The following TMEM200A variants were observed in gnomAD, a reference collection of about 807,000 sequenced individuals.
TMEM200A encodes two transmembrane C.
A neutral mutation model predicts 24.3 loss-of-function variants in TMEM200A; 12 were observed. The observed-to-expected ratio is 0.49, with a 90% CI of 0.32 to 0.80. The LOEUF (loss-of-function observed/expected upper bound fraction) is 0.80, where lower values mean the gene tolerates loss of function less well. Among genes scored for constraint, TMEM200A ranks in the 30% least tolerant of loss-of-function variants. TMEM200A has a pLI of 0.04. For missense variants in TMEM200A, 545 were observed against 614.4 expected, an observed-to-expected ratio of 0.89 and a Z score of 1.19; for synonymous variants, 224 against 224.4, an observed-to-expected ratio of 1.00 and a Z score of 0.02.
At chr6:130,377,900 A>T (rs982618528) in intron 1 of TMEM200A, among the ~76,000 whole-genome samples, 4 of 152,200 alleles carry the variant, frequency 2.6e-5, no homozygotes, top group African/African-American at 9.6e-5. Flanking sequence ...GTAGAGTAGC[A>T]TGGCCAAGGA....
Position 130,441,363 on chromosome 6 carries a change from A to G in TMEM200A, c.941A>G (p.Asn314Ser). The change falls in exon 3 of 3, where the codon AAC becomes AGC. Residue 314 changes from asparagine to serine, a missense_variant. Physicochemically the swap from Asn to Ser is conservative, Grantham distance 46. Transcript: ENST00000296978. ...GATAACATCACTGAAGATGCTGACAACCTCAAAAGTAGGTCAAGGAATTTG... is the reference window on the plus strand; with the variant it reads ...GATAACATCACTGAAGATGCTGACAGCCTCAAAAGTAGGTCAAGGAATTTG... Reference protein sequence around the residue: ...SIDNITEDADNLKSRSRNLSM... With the variant: ...SIDNITEDADSLKSRSRNLSM... 6.2e-7 allele frequency: 1 copy of G among 1,614,128 alleles called. No homozygotes were observed. Among genetic ancestry groups the G allele is most frequent in the Non-Finnish European group, 8.5e-7 (1 of 1,180,004 alleles).
In TMEM200A at chr6:130,392,548, A is replaced by G. The variant is rs144092533; in HGVS notation, c.-17+7312A>G. Among the ~76,000 whole-genome samples, 15 of 152,274 alleles carry G rather than the reference A, an allele frequency of 9.9e-5. No homozygotes were observed. The East Asian group carries it at 2.7e-3, about 27-fold the overall frequency. ...CCGCCTCCGGTTTCACTGTCAGCCT[A>G]TCTGTCCATTTTCTTGATGCCTGTA... On this transcript the variant is annotated intron_variant, in intron 2 of 2. Transcript: ENST00000296978.
intron 2 of TMEM200A, among the ~76,000 whole-genome samples, chr6:130,425,328 A>G (rs1779704662): frequency 6.6e-6 from 1 of 152,208 alleles, no homozygotes; most frequent in Non-Finnish European, 1.5e-5. Context: ...AGCTAAATAA[A>G]GTTGAGTTGG....
chr6:130,399,732 A>T (rs1218447631), intron 2 of TMEM200A, among the ~76,000 whole-genome samples: 1 of 151,334 alleles, frequency 6.6e-6, no homozygotes, highest in Non-Finnish European at 1.5e-5. Context: ...GTATTTGATT[A>T]CATAAGTAAG....
intron 1 of TMEM200A, among the ~76,000 whole-genome samples, chr6:130,367,703 A>G (rs981149141): frequency 2.0e-5 from 3 of 152,242 alleles, no homozygotes; most frequent in African/African-American, 7.2e-5. Context: ...CAAGTGAAGA[A>G]TAGAAGTCCT....
At chr6:130,411,684 G>T in intron 2 of TMEM200A, among the ~76,000 whole-genome samples, 1 of 152,118 alleles carries the variant, frequency 6.6e-6, no homozygotes, top group South Asian at 2.1e-4. Context: ...GTCTCCTAAG[G>T]TTGGTTTGTT....
chr6:130,378,740 A>AAAAAC (rs1778527388), intron 1 of TMEM200A, among the ~76,000 whole-genome samples: 1 of 152,022 alleles, frequency 6.6e-6, no homozygotes, highest in Non-Finnish European at 1.5e-5. Flanking sequence ...AAAAAAAAAA[A>AAAAAC]AAGATCTTGA....
intron 1 of TMEM200A, among the ~76,000 whole-genome samples, chr6:130,382,711 C>T (rs1778629046): frequency 6.6e-6 from 1 of 152,040 alleles, no homozygotes; most frequent in Admixed American, 6.5e-5. Context: ...TTACCACTGG[C>T]AATGTTACCA....
chr6:130,407,938 A>G (rs1312657612), intron 2 of TMEM200A, among the ~76,000 whole-genome samples: 4 of 152,194 alleles, frequency 2.6e-5, no homozygotes, highest in Non-Finnish European at 5.9e-5. Context: ...TATTATTTAC[A>G]TATCATCTAT....
intron 2 of TMEM200A, among the ~76,000 whole-genome samples, chr6:130,390,804 C>G (rs1434320726): frequency 2.6e-5 from 4 of 152,174 alleles, no homozygotes; most frequent in South Asian, 2.1e-4. Flanking sequence ...CTTTGAATCT[C>G]CCAGGCACCT....
At chr6:130,404,379 G>A (rs77933263) in intron 2 of TMEM200A, among the ~76,000 whole-genome samples, 8,352 of 152,166 alleles carry the variant, frequency 0.055, 762 homozygotes, top group African/African-American at 0.19. Flanking sequence ...TCTGACTAGT[G>A]TGAGATGGTA....
At chr6:130,409,088 A>G (rs1354677964) in intron 2 of TMEM200A, among the ~76,000 whole-genome samples, 1 of 151,388 alleles carries the variant, frequency 6.6e-6, no homozygotes, top group Non-Finnish European at 1.5e-5. Context: ...ATCTCCTCCT[A>G]CTCATTCCTG....
chr6:130,381,639 G>A (rs1370087632), intron 1 of TMEM200A, among the ~76,000 whole-genome samples: 4 of 152,178 alleles, frequency 2.6e-5, no homozygotes, highest in East Asian at 3.9e-4. Flanking sequence ...CATTGAGTGC[G>A]GGCTCAAAGC....
chr6:130,416,906 A>G (rs1779469874), intron 2 of TMEM200A, among the ~76,000 whole-genome samples: 1 of 151,998 alleles, frequency 6.6e-6, no homozygotes, highest in Admixed American at 6.6e-5. Context: ...ATTTCTTTGA[A>G]ACCAGGTACT....
At chr6:130,383,019 C>T (rs755115231) in intron 1 of TMEM200A, 15 of 985,362 alleles carry the variant, frequency 1.5e-5, no homozygotes, top group Non-Finnish European at 1.8e-5. Flanking sequence ...GTGTGAGTTC[C>T]TTGAGGCCAG....
chr6:130,406,044 G>T (rs1181896389), intron 2 of TMEM200A, among the ~76,000 whole-genome samples: 1 of 152,122 alleles, frequency 6.6e-6, no homozygotes, highest in Non-Finnish European at 1.5e-5. Context: ...CAAAGTTAAT[G>T]CATTCTTTAG....
At chr6:130,393,409 A>G (rs1400340498) in intron 2 of TMEM200A, among the ~76,000 whole-genome samples, 2 of 152,218 alleles carry the variant, frequency 1.3e-5, no homozygotes, top group African/African-American at 4.8e-5. Flanking sequence ...ATTTTTCAAC[A>G]AATGTTGTCA....
At chr6:130,418,197 G>C (rs1232000146) in intron 2 of TMEM200A, among the ~76,000 whole-genome samples, 1 of 151,506 alleles carries the variant, frequency 6.6e-6, no homozygotes, top group East Asian at 1.9e-4. Context: ...GCTGTCAGAG[G>C]ATTGCACAAA....
chr6:130,438,247 TA>T (rs1220419741), intron 2 of TMEM200A: 1 of 152,212 alleles, frequency 6.6e-6, no homozygotes, highest in Non-Finnish European at 1.5e-5. Flanking sequence ...TCTTCCAACA[TA>T]AAACTATTTT....
Sources: gnomAD v4.1 joint callset for allele counts (sites outside exome capture counted in the v4.1 genomes callset) on GRCh38, gnomAD v4.1.1 for gene constraint, MANE v1.5 for transcripts, NCBI Gene and HGNC (gene_info 2026-07-23, HGNC 2026-07-21) for gene names.